Variants in AGPAT4 observed in about 807,000 individuals in gnomAD.
AGPAT4 encodes 1-acylglycerol-3-phosphate O-acyltransferase 4, also known as 1-acyl-sn-glycerol-3-phosphate acyltransferase delta.
In AGPAT4, 15 loss-of-function variants were observed where a neutral mutation model predicts 48.0. That is an observed-to-expected ratio of 0.31 (90% confidence interval 0.21 to 0.48). The LOEUF (loss-of-function observed/expected upper bound fraction) is 0.48. AGPAT4 is among the 20% of genes least tolerant of loss of function. AGPAT4 has a pLI of 0.99. For synonymous variants in AGPAT4, 178 were observed against 198.7 expected, an observed-to-expected ratio of 0.90 and a Z score of 0.88; for missense variants, 314 against 482.5, an observed-to-expected ratio of 0.65 and a Z score of 3.27.
In AGPAT4 at chr6:161,195,567, T is replaced by A. The variant is rs1157867541; in HGVS notation, c.179-29150A>T. On this transcript the variant is annotated intron_variant, in intron 2 of 8. Coordinates refer to ENST00000320285, the MANE Select transcript of AGPAT4 (RefSeq NM_020133.3). This position sits in a 1 kb window ranked among gnomAD's most constrained non-coding sequence, Gnocchi z 5.0. ...TGTAACAGTTCACTCAGCAAGCCCA[T>A]GATGCCTGTAGTATAAAAGCAAATG... 6.6e-6 allele frequency among the ~76,000 whole-genome samples: 1 copy of A among 152,214 alleles called. No homozygotes were observed.
chr6:161,241,512 G>A (rs1782489916), intron 1 of AGPAT4, among the ~76,000 whole-genome samples: 1 of 152,114 alleles, frequency 6.6e-6, no homozygotes, highest in African/African-American at 2.4e-5. Context: ...ATGGAAAAGT[G>A]ATGCTTCTAA....
chr6:161,193,593 A>G (rs1315902103), intron 2 of AGPAT4, among the ~76,000 whole-genome samples: 1 of 152,228 alleles, frequency 6.6e-6, no homozygotes, highest in East Asian at 1.9e-4. Flanking sequence ...TGGGGTGATC[A>G]ACCTTCCTTT....
intron 1 of AGPAT4, among the ~76,000 whole-genome samples, chr6:161,237,742 T>G (rs1346801154): frequency 6.6e-6 from 1 of 152,196 alleles, no homozygotes; most frequent in Non-Finnish European, 1.5e-5. Context: ...TTCTTCTCTG[T>G]GTTTTATCAT....
At chr6:161,152,065 G>A (rs1036035638) in intron 5 of AGPAT4, among the ~76,000 whole-genome samples, 13 of 152,206 alleles carry the variant, frequency 8.5e-5, no homozygotes, top group African/African-American at 2.4e-5. Context: ...GCCCAAGTGA[G>A]CTGCTGAGAC....
In AGPAT4 at chr6:161,233,110, CA is replaced by C. The variant is rs1353507775; in HGVS notation, c.-89-809del. On this transcript the variant is annotated intron_variant, in intron 1 of 8. Coordinates refer to ENST00000320285, the MANE Select transcript of AGPAT4 (RefSeq NM_020133.3). The surrounding 1 kb of genome is among the most constrained non-coding windows in gnomAD (Gnocchi z 5.4). Reference sequence around the variant, plus strand: ...GACACATAGACACACACACAAACACCACACACACACACACACACACACACAC... The same window carrying C: ...GACACATAGACACACACACAAACACCCACACACACACACACACACACACAC... Among the ~76,000 whole-genome samples the C allele has an allele frequency of 5.1e-4, 17 of 33,282 alleles. No individual in the cohort carries two copies. The African/African-American group carries it at 8.0e-3, about 16-fold the overall frequency. The allele number at this position is 33,282 out of a possible 152,430, so 21.8% of individuals were successfully genotyped here.
rs1344982205 is a variant in AGPAT4, at chr6:161,136,536, T to C, written c.*4A>G. ...TTCCCTTCGGATGGTGACACCTCCC[T>C]GAGTCAGTCATTCAGTTTCTGCTTG... On this transcript the variant is annotated 3_prime_UTR_variant, in exon 9 of 9. Coordinates refer to ENST00000320285, the MANE Select transcript of AGPAT4 (RefSeq NM_020133.3). 6 of 1,613,728 alleles carry C rather than the reference T, an allele frequency of 3.7e-6. No homozygotes were observed. The highest frequency in any genetic ancestry group is 3.4e-6 in the Non-Finnish European group (4 of 1,179,800).
rs1360875695 is a variant in AGPAT4 at position 161,255,547 on chromosome 6, A to C, written c.-90+18391T>G. Among the ~76,000 whole-genome samples the C allele has an allele frequency of 6.6e-6, 1 of 152,252 alleles. No homozygotes were observed. The highest frequency in any genetic ancestry group is 1.9e-4 in the East Asian group (1 of 5,198). ...GGAATATTCTCCAGCCACAAGAAAG[A>C]ATAAATTAATTACTGATACATGCTA... On this transcript the variant is annotated intron_variant, in intron 1 of 8. Transcript: ENST00000320285. The surrounding 1 kb of genome is among the most constrained non-coding windows in gnomAD (Gnocchi z 4.7).
chr6:161,179,661 A>C (rs1350769622), intron 2 of AGPAT4, among the ~76,000 whole-genome samples: 1 of 152,150 alleles, frequency 6.6e-6, no homozygotes, highest in African/African-American at 2.4e-5. Flanking sequence ...CAGCAAGACC[A>C]ACCCCTCTTC....
rs144411892 is a variant in AGPAT4 at position 161,199,634 on chromosome 6, A to T, written c.178+32402T>A. 3.4e-3 allele frequency among the ~76,000 whole-genome samples: 516 copies of T among 152,258 alleles called. 7 individuals are homozygous for T. In the East Asian group the frequency reaches 0.044, roughly 13 times the overall value. On this transcript the variant is annotated intron_variant, in intron 2 of 8. Transcript: ENST00000320285. ...CCCAATGTTGGGGGAGGGGCCGGTG[A>T]GAGGTGACTGGACCATGGGGTGGAT...
chr6:161,205,840 T>C (rs1324604069), intron 2 of AGPAT4, among the ~76,000 whole-genome samples: 1 of 151,816 alleles, frequency 6.6e-6, no homozygotes, highest in Non-Finnish European at 1.5e-5. Context: ...AAACAGGAAA[T>C]TAAAATAGTT....
At chr6:161,170,472 C>T (rs967337702) in intron 2 of AGPAT4, among the ~76,000 whole-genome samples, 72 of 27,870 alleles carry the variant, frequency 2.6e-3, no homozygotes, top group East Asian at 9.8e-3. Flanking sequence ...CGTGCGCGCG[C>T]GCACACACAC....
rs539758461 is a variant in AGPAT4 at position 161,137,696 on chromosome 6, A to T, written c.1043-1062T>A. ...GAAGAATGCAGTCAGGCGCAGGCTC[A>T]GAGTAATGGGGCACGGCAGTCAGCT... On this transcript the variant is annotated intron_variant, in intron 8 of 8. Coordinates refer to ENST00000320285, the MANE Select transcript of AGPAT4 (RefSeq NM_020133.3). The surrounding 1 kb of genome is among the most constrained non-coding windows in gnomAD (Gnocchi z 6.1). Among the ~76,000 whole-genome samples the T allele has an allele frequency of 6.6e-6, 1 of 152,302 alleles. No individual in the cohort carries two copies. The highest frequency in any genetic ancestry group is 2.1e-4 in the South Asian group (1 of 4,824).
At chr6:161,191,412 T>A (rs1384747659) in intron 2 of AGPAT4, among the ~76,000 whole-genome samples, 1 of 152,096 alleles carries the variant, frequency 6.6e-6, no homozygotes, top group Non-Finnish European at 1.5e-5. Context: ...CCATATAAAT[T>A]CAGTTGGAGA....
In AGPAT4 at chr6:161,165,721, G is replaced by GA. The variant is rs1174848565; in HGVS notation, c.348+526_348+527insT. ...TACGTGCAAGAGGTCAAACTAGTTGGGAAAAAAAAAAAACAGAATTTCAGA... is the reference window on the plus strand; with the variant it reads ...TACGTGCAAGAGGTCAAACTAGTTGGAGAAAAAAAAAAAACAGAATTTCAGA... On this transcript the variant is annotated intron_variant, in intron 3 of 8. Coordinates refer to ENST00000320285, the MANE Select transcript of AGPAT4 (RefSeq NM_020133.3). This position sits in a 1 kb window ranked among gnomAD's most constrained non-coding sequence, Gnocchi z 5.5. 3 of 899,860 alleles carry GA rather than the reference G, an allele frequency of 3.3e-6. No homozygotes were observed. Among genetic ancestry groups the GA allele is most frequent in the South Asian group, 1.4e-5 (1 of 71,480 alleles). 55.7% of individuals were successfully genotyped at this position (899,860 alleles called of 1,614,324 possible). A position where few individuals can be genotyped will look rare whatever the true frequency, so the allele number is the denominator to read the frequency against.
At chr6:161,167,580 A>C (rs944220184) in intron 2 of AGPAT4, among the ~76,000 whole-genome samples, 1 of 151,082 alleles carries the variant, frequency 6.6e-6, no homozygotes, top group Admixed American at 6.6e-5. Context: ...CAGAGGACTC[A>C]CTCCCTCCCC....
rs1011903089 is a variant in AGPAT4 at position 161,249,747 on chromosome 6, G to C, written c.-89-17445C>G. ...TAGTTCAACCATTGTGGAAAACAGT[G>C]TCGCAATTCCTCAAAGACCTAAAAA... On this transcript the variant is annotated intron_variant, in intron 1 of 8. Transcript: ENST00000320285. This position sits in a 1 kb window ranked among gnomAD's most constrained non-coding sequence, Gnocchi z 6.2. 6.6e-6 allele frequency among the ~76,000 whole-genome samples: 1 copy of C among 152,140 alleles called. No homozygotes were observed. Among genetic ancestry groups the C allele is most frequent in the African/African-American group, 2.4e-5 (1 of 41,426 alleles).
In AGPAT4 at chr6:161,217,051, C is replaced by T. The variant is rs1781665768; in HGVS notation, c.178+14985G>A. On this transcript the variant is annotated intron_variant, in intron 2 of 8. Coordinates refer to ENST00000320285, the MANE Select transcript of AGPAT4 (RefSeq NM_020133.3). The surrounding 1 kb of genome is among the most constrained non-coding windows in gnomAD (Gnocchi z 4.9). Reference sequence around the variant, plus strand: ...ACGTGTTCTTCACCTTCAGGCTTTCCTGTCCTTGTCAATTTCCGTTTAGGT... The same window carrying T: ...ACGTGTTCTTCACCTTCAGGCTTTCTTGTCCTTGTCAATTTCCGTTTAGGT... Among the ~76,000 whole-genome samples, 3 of 152,226 alleles carry T rather than the reference C, an allele frequency of 2.0e-5. No homozygotes were observed. Among genetic ancestry groups the T allele is most frequent in the Non-Finnish European group, 1.5e-5 (1 of 68,052 alleles).
chr6:161,268,070 G>A (rs1344255271), intron 1 of AGPAT4, among the ~76,000 whole-genome samples: 1 of 152,172 alleles, frequency 6.6e-6, no homozygotes, highest in Non-Finnish European at 1.5e-5. Flanking sequence ...TGACCTAGCT[G>A]AGCTGCTTAA....
In AGPAT4 at chr6:161,222,018, CCT is replaced by C. The variant is rs1781848763; in HGVS notation, c.178+10016_178+10017del. On this transcript the variant is annotated intron_variant, in intron 2 of 8. Transcript: ENST00000320285. The surrounding 1 kb of genome is among the most constrained non-coding windows in gnomAD (Gnocchi z 5.9). ...TGTGACACCAAGCGTCCAGCTCTTT[CCT>C]CTCAGTTCCTTTCCACGAATGACTG... Among the ~76,000 whole-genome samples, 1 of 152,220 alleles carries C rather than the reference CCT, an allele frequency of 6.6e-6. No individual in the cohort carries two copies. The highest frequency in any genetic ancestry group is 1.5e-5 in the Non-Finnish European group (1 of 68,048).
Sources: gnomAD v4.1 joint callset for allele counts (sites outside exome capture counted in the v4.1 genomes callset) on GRCh38, gnomAD v4.1.1 for gene constraint, Gnocchi (gnomAD v3.1) non-coding constraint, MANE v1.5 for transcripts, NCBI Gene and HGNC (gene_info 2026-07-23, HGNC 2026-07-21) for gene names.